The following EXOC4 variants were observed in gnomAD, a reference collection of about 807,000 sequenced individuals.
EXOC4 encodes SEC8-like 1.
A neutral mutation model predicts 107.2 loss-of-function variants in EXOC4; 71 were observed. The ratio of observed to expected loss-of-function variants is 0.66; its 90% CI spans 0.55 to 0.81. The LOEUF is 0.81. Among genes scored for constraint, EXOC4 ranks in the 30% least tolerant of loss-of-function variants. The pLI is 0.00. For missense variants in EXOC4, 1,108 were observed against 1,189.6 expected, an observed-to-expected ratio of 0.93 and a Z score of 1.01; for synonymous variants, 456 against 441.2, an observed-to-expected ratio of 1.03 and a Z score of -0.42.
chr7:133,256,462 G>A (rs926174351), intron 1 of EXOC4, among the ~76,000 whole-genome samples: 3 of 152,164 alleles, frequency 2.0e-5, no homozygotes, highest in East Asian at 3.9e-4. Flanking sequence ...AACATGTACC[G>A]GGTACCTGCT....
chr7:134,064,277 T>C lies in EXOC4; in HGVS notation c.2688-14T>C, dbSNP rs1796136263. 2 of 1,419,602 alleles carry C rather than the reference T, an allele frequency of 1.4e-6. No homozygotes were observed. Among genetic ancestry groups the C allele is most frequent in the South Asian group, 3.4e-5 (2 of 59,666 alleles). The allele number at this position is 1,419,602 out of a possible 1,614,324, so 87.9% of individuals were successfully genotyped here. A position where few individuals can be genotyped will look rare whatever the true frequency, so the allele number is the denominator to read the frequency against. ...TGGGGAGCCAGTGAGCAGTGTTCTC[T>C]CTTGCTTTCTCAGGCAGTACTACGA... On this transcript the variant is annotated splice_polypyrimidine_tract_variant and intron_variant, in intron 17 of 17. Coordinates refer to ENST00000253861, the MANE Select transcript of EXOC4 (RefSeq NM_021807.4).
At chr7:133,601,925 G>A (rs59433968) in intron 9 of EXOC4, 2 of 152,254 alleles carry the variant, frequency 1.3e-5, no homozygotes, top group East Asian at 3.8e-4. Context: ...CTGTTTTGAA[G>A]AAGGCCTCCA....
At chr7:133,311,965 A>G (rs1009425557) in intron 4 of EXOC4, among the ~76,000 whole-genome samples, 1 of 152,226 alleles carries the variant, frequency 6.6e-6, no homozygotes, top group Non-Finnish European at 1.5e-5. Flanking sequence ...GATGGCGGAA[A>G]TGCGTAGCTT....
At chr7:133,866,984 CTT>C (rs1231164162) in intron 11 of EXOC4, among the ~76,000 whole-genome samples, 1 of 152,206 alleles carries the variant, frequency 6.6e-6, no homozygotes, top group Non-Finnish European at 1.5e-5. Context: ...TTGCAAGTCC[CTT>C]CAGGAGATTT....
At chr7:133,665,808 G>A (rs1793797391) in intron 10 of EXOC4, among the ~76,000 whole-genome samples, 1 of 151,962 alleles carries the variant, frequency 6.6e-6, no homozygotes, top group Admixed American at 6.6e-5. Context: ...AGTAATTTCT[G>A]TTAATCCAGC....
chr7:133,680,650 A>G (rs527895822), intron 10 of EXOC4, among the ~76,000 whole-genome samples: 1 of 152,366 alleles, frequency 6.6e-6, no homozygotes, highest in South Asian at 2.1e-4. Context: ...CAAGATTTTC[A>G]AAGAATAATT....
intron 10 of EXOC4, among the ~76,000 whole-genome samples, chr7:133,686,993 TTGTGTGTGTG>T (rs1027053373): frequency 7.9e-4 from 6 of 7,604 alleles, no homozygotes; most frequent in African/African-American, 1.5e-3. Context: ...ATAAAGAATT[TTGTGTGTGTG>T]TGTGTGTGTG....
intron 12 of EXOC4, among the ~76,000 whole-genome samples, chr7:133,896,588 G>T (rs1404134323): frequency 6.6e-6 from 1 of 151,892 alleles, no homozygotes; most frequent in East Asian, 1.9e-4. Context: ...TACGGAGGTG[G>T]AGAGAAACAT....
intron 3 of EXOC4, among the ~76,000 whole-genome samples, chr7:133,296,086 A>G (rs919713989): frequency 3.9e-5 from 6 of 152,166 alleles, no homozygotes; most frequent in Non-Finnish European, 7.4e-5. Context: ...AGCTTGAAAG[A>G]CTGAGGCCAA....
intron 9 of EXOC4, among the ~76,000 whole-genome samples, chr7:133,612,693 GAGGC>G (rs1391294843): frequency 1.3e-5 from 2 of 152,182 alleles, no homozygotes; most frequent in African/African-American, 4.8e-5. Flanking sequence ...AGTAATGCAG[GAGGC>G]AGATGGTGGT....
intron 7 of EXOC4, among the ~76,000 whole-genome samples, chr7:133,474,558 C>T (rs1798963011): frequency 6.6e-6 from 1 of 151,562 alleles, no homozygotes; most frequent in Non-Finnish European, 1.5e-5. Context: ...AGTGATCCTC[C>T]TACCTCAGCC....
the EXOC4 span, among the ~76,000 whole-genome samples, chr7:134,076,330 A>G: frequency 6.6e-6 from 1 of 152,164 alleles, no homozygotes; most frequent in East Asian, 1.9e-4. Flanking sequence ...ATCCTGGCTA[A>G]CACGGTGAAA....
At chr7:133,886,074 A>G (rs1396220889) in intron 11 of EXOC4, among the ~76,000 whole-genome samples, 1 of 152,128 alleles carries the variant, frequency 6.6e-6, no homozygotes, top group Non-Finnish European at 1.5e-5. Context: ...TAGTATAACC[A>G]GAGAACTAGG....
chr7:133,927,191 A>G (rs1800071420), intron 13 of EXOC4, among the ~76,000 whole-genome samples: 1 of 150,818 alleles, frequency 6.6e-6, no homozygotes, highest in Non-Finnish European at 1.5e-5. Flanking sequence ...TGAAAGTTAC[A>G]TGCATAGTAA....
chr7:134,051,827 T>C (rs369339855), intron 17 of EXOC4, among the ~76,000 whole-genome samples: 69 of 150,954 alleles, frequency 4.6e-4, no homozygotes, highest in African/African-American at 1.6e-3. Context: ...CTACTAAAAA[T>C]ACAAAAAAAT....
Position 133,423,225 on chromosome 7 carries a change from C to CAAAAAA in EXOC4, c.1182+48223_1182+48224insAAAAAA, listed in dbSNP as rs1797642571. Among the ~76,000 whole-genome samples the CAAAAAA allele has an allele frequency of 2.1e-3, 26 of 12,156 alleles. 12 individuals carry two copies. The highest frequency in any genetic ancestry group is 0.019 in the African/African-American group (24 of 1,284). The allele number at this position is 12,156 out of a possible 152,430, so 8.0% of individuals were successfully genotyped here. On this transcript the variant is annotated intron_variant, in intron 7 of 17. Coordinates refer to ENST00000253861, the MANE Select transcript of EXOC4 (RefSeq NM_021807.4). ...TGGGCGACAGAGCGAGACTCCGTCT[C>CAAAAAA]CAAAAAAAAAAAAAAAAAAAAAAAA... is the stretch of plus-strand genomic sequence containing the variant.
intron 5 of EXOC4, among the ~76,000 whole-genome samples, chr7:133,354,842 A>G (rs1795988945): frequency 1.3e-5 from 2 of 152,170 alleles, no homozygotes; most frequent in South Asian, 2.1e-4. Flanking sequence ...TTACCATCCA[A>G]GTGTTCCCTT....
At position 133,715,480 on chromosome 7, in the gene EXOC4, CT is replaced by C. The variant is rs201216157; in HGVS notation, c.1514+85352del. Among the ~76,000 whole-genome samples, 390 of 142,924 alleles carry C rather than the reference CT, an allele frequency of 2.7e-3. 1 individual carries two copies. The highest frequency in any genetic ancestry group is 2.9e-3 in the Admixed American group (41 of 14,256). 93.8% of individuals were successfully genotyped at this position (142,924 alleles called of 152,430 possible). On this transcript the variant is annotated intron_variant, in intron 10 of 17. Transcript: ENST00000253861. ...TTAAATCTTTCACATTTTCTAATGA[CT>C]TTTTTTTTTTTTGGAAGGGGGAGAA...
At chr7:133,425,421 G>C (rs1431639742) in intron 7 of EXOC4, among the ~76,000 whole-genome samples, 1 of 152,036 alleles carries the variant, frequency 6.6e-6, no homozygotes, top group African/African-American at 2.4e-5. Context: ...TGAGTAGCTG[G>C]GATTACAAGT....
Sources: allele counts gnomAD v4.1 joint callset (sites outside exome capture counted in the v4.1 genomes callset), GRCh38; gene constraint gnomAD v4.1.1; transcripts MANE v1.5; gene names NCBI Gene and HGNC (gene_info 2026-07-23, HGNC 2026-07-21).